MADD: variants seen among roughly 807,000 people sequenced by gnomAD.
MADD encodes the protein MAP kinase-activating death domain protein.
In MADD, 109 loss-of-function variants were observed where a neutral mutation model predicts 176.7. The ratio of observed to expected loss-of-function variants is 0.62; its 90% CI spans 0.53 to 0.72. The LOEUF (loss-of-function observed/expected upper bound fraction) is 0.72, where lower values mean the gene tolerates loss of function less well. Among genes scored for constraint, MADD ranks in the 30% least tolerant of loss-of-function variants. The pLI is 0.00. For synonymous variants in MADD, 771 were observed against 771.3 expected, an observed-to-expected ratio of 1.00 and a Z score of 0.01; for missense variants, 1,914 against 2,045.5, an observed-to-expected ratio of 0.94 and a Z score of 1.24.
chr11:47,285,569 G>A lies in MADD; in HGVS notation c.2530G>A (p.Gly844Arg), dbSNP rs375732475. ...CTCCAACACCAGCACCGAGGGCTTCGGGGGCATCATGTCTTTTGCCAGTAA... is the reference window on the plus strand; with the variant it reads ...CTCCAACACCAGCACCGAGGGCTTCAGGGGCATCATGTCTTTTGCCAGTAA... The change falls in exon 14 of 33, where the codon GGG (glycine) becomes AGG (arginine). Residue 844 changes from glycine to arginine, a missense_variant. Physicochemically the swap from Gly to Arg is moderately radical, Grantham distance 125. Coordinates refer to ENST00000402192, the Ensembl canonical transcript of MADD. 8.1e-6 allele frequency: 13 copies of A among 1,613,950 alleles called. No homozygotes were observed. Among genetic ancestry groups the A allele is most frequent in the African/African-American group, 1.3e-5 (1 of 74,894 alleles).
chr11:47,295,531 A>T (rs143711042), exon 21 of MADD: 1 of 1,614,086 alleles, frequency 6.2e-7, no homozygotes, highest in Non-Finnish European at 8.5e-7. Flanking sequence ...GCGTGAGTCC[A>T]GCTGTTATGA....
At chr11:47,324,914 C>T (rs79187134) in intron 30 of MADD, 12,125 of 601,048 alleles carry the variant, frequency 0.02, 161 homozygotes, top group Middle Eastern at 0.033. Flanking sequence ...TCCTCTATTC[C>T]CAGGATATGC....
At chr11:47,307,158 C>A (rs1488027926) in intron 22 of MADD, among the ~76,000 whole-genome samples, 1 of 151,786 alleles carries the variant, frequency 6.6e-6, no homozygotes, top group Non-Finnish European at 1.5e-5. Context: ...AAGTGATCCT[C>A]CTGTTTCATC....
chr11:47,289,591 C>A, intron 16 of MADD, 98 bp downstream of exon 17: 1 of 1,001,366 alleles, frequency 1.0e-6, no homozygotes, highest in Non-Finnish European at 1.6e-6. Context: ...GAGAAGCTCT[C>A]AATGGGGTAG....
chr11:47,291,021 T>G (rs2064741348), intron 19 of MADD, among the ~76,000 whole-genome samples: 1 of 152,016 alleles, frequency 6.6e-6, no homozygotes, highest in African/African-American at 2.4e-5. Flanking sequence ...ACCCCGTATC[T>G]TAGATGAAGA....
intron 2 of MADD, 133 bp from the exon 3 acceptor site, chr11:47,274,430 A>C (rs1702836866): frequency 2.6e-6 from 2 of 758,678 alleles, no homozygotes; most frequent in Admixed American, 4.6e-5. Flanking sequence ...GGCAGCACCC[A>C]TATTTTCCAA....
intron 26 of MADD, among the ~76,000 whole-genome samples, chr11:47,314,259 T>C (rs1298768876): frequency 4.1e-5 from 6 of 147,038 alleles, no homozygotes; most frequent in African/African-American, 1.5e-4. Context: ...GTATGGAGAA[T>C]AGGGTCTCAC....
At chr11:47,296,003 G>A (rs1371136276) in exon 22 of MADD, 2 of 1,614,118 alleles carry the variant, frequency 1.2e-6, no homozygotes, top group Non-Finnish European at 8.5e-7. Flanking sequence ...AGCTCTCGGG[G>A]CACTTTGTCT....
intron 23 of MADD, 58 bp downstream of exon 26, chr11:47,309,100 T>A (rs1431251306): frequency 6.3e-7 from 1 of 1,592,812 alleles, no homozygotes; most frequent in Non-Finnish European, 8.6e-7. Context: ...GGACTGGGCC[T>A]TACTTGGAGG....
Position 47,281,690 on chromosome 11 carries a change from C to T in MADD, c.1406C>T (p.Pro469Leu), listed in dbSNP as rs532391313. 1.5e-5 allele frequency: 25 copies of T among 1,613,590 alleles called. No individual in the cohort carries two copies. In the Middle Eastern group the frequency reaches 1.3e-3, roughly 85 times the overall value. Reference sequence around the variant, plus strand: ...CCTTCTAATGACCTGCAGTCCACACCGTCCACTGAATTCAACCCACTCATC... The same window carrying T: ...CCTTCTAATGACCTGCAGTCCACACTGTCCACTGAATTCAACCCACTCATC... Residue 469 changes from proline to leucine, a missense_variant, in exon 8 of 33, where the codon CCG (proline) becomes CTG (leucine). Pro to Leu is a moderately conservative substitution (Grantham distance 98). Transcript: ENST00000402192.
At chr11:47,327,101 T>C (rs1043182736) in intron 31 of MADD, 10 of 1,133,336 alleles carry the variant, frequency 8.8e-6, no homozygotes, top group Non-Finnish European at 9.8e-6. Flanking sequence ...GGCCAGCCAG[T>C]GGTCAGAAAG....
intron 31 of MADD, chr11:47,327,326 G>A: frequency 1.0e-6 from 1 of 988,364 alleles, no homozygotes. Context: ...GAAGCTGGGA[G>A]CCAGCGCTAG....
At chr11:47,293,097 G>T (rs1283764198) in intron 19 of MADD, among the ~76,000 whole-genome samples, 1 of 152,116 alleles carries the variant, frequency 6.6e-6, no homozygotes, top group Non-Finnish European at 1.5e-5. Context: ...CTCAAACATA[G>T]AAGTTGTAGG....
Position 47,295,479 on chromosome 11 carries a change from C to G in MADD, c.3403-17C>G. The stretch of plus-strand genomic sequence containing the variant: ...GAGATTGGACACCTCCCCTAATGTT[C>G]CTGTGTCTTGTTTCAGAGGACTGAT... On this transcript the variant is annotated splice_polypyrimidine_tract_variant and intron_variant, in intron 20 of 32. Coordinates refer to ENST00000402192, the Ensembl canonical transcript of MADD. 1 of 1,603,748 alleles carries G rather than the reference C, an allele frequency of 6.2e-7. No homozygotes were observed. Among genetic ancestry groups the G allele is most frequent in the Non-Finnish European group, 8.5e-7 (1 of 1,170,758 alleles).
chr11:47,304,771 GTTA>G (rs1304124060), intron 22 of MADD, among the ~76,000 whole-genome samples: 2 of 152,006 alleles, frequency 1.3e-5, no homozygotes, highest in African/African-American at 2.4e-5. Context: ...TTACCAAAGA[GTTA>G]TTATGTTCCT....
intron 7 of MADD, among the ~76,000 whole-genome samples, chr11:47,280,369 C>T (rs2055265483): frequency 6.6e-6 from 1 of 152,094 alleles, no homozygotes; most frequent in South Asian, 2.1e-4. Flanking sequence ...TGTTTCATCC[C>T]TCTCACCTCA....
At chr11:47,273,755 C>T (rs925797395) in intron 1 of MADD, 72 bp from the exon 2 acceptor site, 13 of 598,048 alleles carry the variant, frequency 2.2e-5, no homozygotes, top group South Asian at 4.1e-5. Flanking sequence ...TGCCTCTGGC[C>T]GGGAAGAAGT....
At chr11:47,291,647 C>G (rs1807026034) in intron 19 of MADD, among the ~76,000 whole-genome samples, 1 of 152,168 alleles carries the variant, frequency 6.6e-6, no homozygotes, top group South Asian at 2.1e-4. Flanking sequence ...TAGTAGCAGT[C>G]AACTCCTGGC....
In MADD at chr11:47,308,965, C is replaced by G; in HGVS notation, c.3751+266C>G. 6.2e-7 allele frequency: 1 copy of G among 1,612,432 alleles called. No homozygotes were observed. The highest frequency in any genetic ancestry group is 8.5e-7 in the Non-Finnish European group (1 of 1,178,628). ...TTTCTTGCTACCATGGTCCTTCCTGCTCTCAAATTGGCAGGAAGGGACAAA... is the reference window on the plus strand; with the variant it reads ...TTTCTTGCTACCATGGTCCTTCCTGGTCTCAAATTGGCAGGAAGGGACAAA... On this transcript the variant is annotated intron_variant, in intron 23 of 32. Coordinates refer to ENST00000402192, the Ensembl canonical transcript of MADD.
Sources: gnomAD v4.1 joint callset for allele counts (sites outside exome capture counted in the v4.1 genomes callset) on GRCh38, gnomAD v4.1.1 for gene constraint, MANE v1.5 for transcripts, NCBI Gene and HGNC (gene_info 2026-07-23, HGNC 2026-07-21) for gene names.